MSH3: variants seen among roughly 807,000 people sequenced by gnomAD.
MSH3 encodes mutS homolog 3, also known as DNA mismatch repair protein Msh3.
MSH3 carries 106 observed loss-of-function variants against 123.3 expected under a neutral mutation model. The observed-to-expected ratio is 0.86, with a 90% CI of 0.73 to 1.01. The LOEUF (loss-of-function observed/expected upper bound fraction) is 1.01, where lower values mean the gene tolerates loss of function less well. Ranked by LOEUF, MSH3 falls within the 50% of genes least tolerant of loss-of-function variation. The probability of loss-of-function intolerance (pLI) is 0.00; values close to 1 mark genes in which losing one functional copy is unlikely to be tolerated. For synonymous variants in MSH3, 515 were observed against 481.4 expected (o/e 1.07, Z -0.91); for missense variants, 1,459 against 1,347.6 (o/e 1.08, Z -1.29).
rs193278213 is a variant in MSH3 at position 80,690,289 on chromosome 5, T to G, written c.1340+11196T>G. Among the ~76,000 whole-genome samples the G allele has an allele frequency of 2.2e-3, 338 of 152,032 alleles. 4 individuals are homozygous for G. Among genetic ancestry groups the G allele is most frequent in the Non-Finnish European group, 7.1e-4 (48 of 67,998 alleles). ...GTTTGCCCTCCGTTGGGTACCAGTG[T>G]ACCAGTTCCATTTTTGTTGTTGTTG... On this transcript the variant is annotated intron_variant, in intron 8 of 23. Coordinates refer to ENST00000265081, the MANE Select transcript of MSH3 (RefSeq NM_002439.5).
At chr5:80,840,523 C>T (rs770231408) in intron 20 of MSH3, among the ~76,000 whole-genome samples, 28 of 152,144 alleles carry the variant, frequency 1.8e-4, no homozygotes, top group Non-Finnish European at 2.8e-4. Context: ...AAGCAATTCT[C>T]GTGCCTCAAC....
intron 2 of MSH3, among the ~76,000 whole-genome samples, chr5:80,657,699 T>C (rs1024707691): frequency 6.6e-6 from 1 of 152,138 alleles, no homozygotes; most frequent in South Asian, 2.1e-4. Context: ...CCAATGGAGA[T>C]ATATGTAAAA....
intron 14 of MSH3, 73 bp downstream of exon 14, chr5:80,768,193 A>C: frequency 7.6e-7 from 1 of 1,309,700 alleles, no homozygotes; most frequent in Middle Eastern, 1.8e-4. Context: ...TTATTTGTGG[A>C]TTCTTAATCT....
intron 23 of MSH3, among the ~76,000 whole-genome samples, chr5:80,874,996 A>C (rs1453263629): frequency 1.3e-5 from 2 of 152,198 alleles, no homozygotes; most frequent in African/African-American, 4.8e-5. Flanking sequence ...AAAGAAATCA[A>C]ACTGCATCTT....
At chr5:80,788,034 G>C (rs1195498489) in intron 18 of MSH3, among the ~76,000 whole-genome samples, 1 of 152,144 alleles carries the variant, frequency 6.6e-6, no homozygotes, top group East Asian at 1.9e-4. Context: ...TGTTCCTTTT[G>C]TTAAGAGCCC....
intron 17 of MSH3, among the ~76,000 whole-genome samples, chr5:80,786,492 CA>C (rs1212301855): frequency 6.6e-6 from 1 of 152,170 alleles, no homozygotes; most frequent in Non-Finnish European, 1.5e-5. Flanking sequence ...TACATTTTCT[CA>C]TTTTCCAGTC....
At chr5:80,793,788 A>G (rs971800173) in intron 19 of MSH3, among the ~76,000 whole-genome samples, 1 of 152,212 alleles carries the variant, frequency 6.6e-6, no homozygotes, top group East Asian at 1.9e-4. Context: ...AAGATTAAGA[A>G]TACTAGCAAG....
intron 15 of MSH3, among the ~76,000 whole-genome samples, chr5:80,774,342 A>G (rs1440357965): frequency 6.6e-6 from 1 of 151,804 alleles, no homozygotes; most frequent in Admixed American, 6.6e-5. Flanking sequence ...ACTCTTGTAC[A>G]CTGTTGGTGG....
chr5:80,719,929 G>T (rs1354079552), intron 8 of MSH3, among the ~76,000 whole-genome samples: 2 of 152,190 alleles, frequency 1.3e-5, no homozygotes, highest in East Asian at 1.9e-4. Flanking sequence ...GGCCTCACTG[G>T]CAGGTTCTCT....
At chr5:80,744,416 T>C in intron 11 of MSH3, 90 bp from the exon 12 acceptor site, 1 of 869,802 alleles carries the variant, frequency 1.1e-6, no homozygotes, top group Non-Finnish European at 1.9e-6. Flanking sequence ...GTGCTAGGTA[T>C]ATATGACATT....
intron 9 of MSH3, among the ~76,000 whole-genome samples, chr5:80,727,971 A>G (rs1344101069): frequency 4.6e-5 from 7 of 152,162 alleles, no homozygotes; most frequent in African/African-American, 1.2e-4. Flanking sequence ...AGACAACAGT[A>G]AGTACAAAAT....
chr5:80,866,725 A>G (rs1054359500), intron 22 of MSH3, among the ~76,000 whole-genome samples: 1 of 152,146 alleles, frequency 6.6e-6, no homozygotes, highest in Non-Finnish European at 1.5e-5. Flanking sequence ...CATGTATTGT[A>G]TGTCATTCAT....
At chr5:80,858,604 C>T (rs1363556239) in intron 21 of MSH3, among the ~76,000 whole-genome samples, 1 of 151,982 alleles carries the variant, frequency 6.6e-6, no homozygotes, top group Non-Finnish European at 1.5e-5. Context: ...TTAAATTTGT[C>T]AACATGTGTT....
chr5:80,763,049 A>AT (rs1017169434), intron 13 of MSH3, among the ~76,000 whole-genome samples: 58 of 151,910 alleles, frequency 3.8e-4, no homozygotes, highest in Non-Finnish European at 7.4e-4. Context: ...GTTTCACCAC[A>AT]TTGGCCAGGC....
intron 22 of MSH3, among the ~76,000 whole-genome samples, chr5:80,871,832 C>G (rs1017770996): frequency 6.6e-6 from 1 of 152,070 alleles, no homozygotes; most frequent in Non-Finnish European, 1.5e-5. Context: ...GACACAAGCA[C>G]GTGAACACCA....
At position 80,657,698 on chromosome 5, in the gene MSH3, A is replaced by T. The variant is rs555969774; in HGVS notation, c.358+1167A>T. ...AGATAGAGGTATCTGTCCAATGGAG[A>T]TATATGTAAAATATTAATCCTTCCA... On this transcript the variant is annotated intron_variant, in intron 2 of 23. Transcript: ENST00000265081. Among the ~76,000 whole-genome samples, 7 of 152,312 alleles carry T rather than the reference A, an allele frequency of 4.6e-5. No individual in the cohort carries two copies. In the South Asian group the frequency reaches 1.5e-3, roughly 32 times the overall value.
chr5:80,866,179 T>A (rs948267779), intron 22 of MSH3, among the ~76,000 whole-genome samples: 1 of 152,174 alleles, frequency 6.6e-6, no homozygotes, highest in Non-Finnish European at 1.5e-5. Flanking sequence ...GTCACTGTCA[T>A]CCAGGCTGGA....
At chr5:80,847,360 T>A (rs571032804) in intron 20 of MSH3, among the ~76,000 whole-genome samples, 1 of 148,594 alleles carries the variant, frequency 6.7e-6, no homozygotes, top group East Asian at 2.0e-4. Flanking sequence ...GGCTGAATAT[T>A]TTTTTTTTTT....
intron 21 of MSH3, chr5:80,855,370 A>T (rs1367713740): frequency 6.6e-6 from 1 of 152,214 alleles, no homozygotes; most frequent in Non-Finnish European, 1.5e-5. Flanking sequence ...GCAACACAAA[A>T]ATAAAATGTA....
Sources: allele counts gnomAD v4.1 joint callset (sites outside exome capture counted in the v4.1 genomes callset), GRCh38; gene constraint gnomAD v4.1.1; transcripts MANE v1.5; gene names NCBI Gene and HGNC (gene_info 2026-07-23, HGNC 2026-07-21).